Variants in HIVEP2 observed in about 807,000 individuals in gnomAD.
HIVEP2 encodes transcription factor HIVEP2.
HIVEP2 carries 14 observed loss-of-function variants against 180.7 expected under a neutral mutation model. The ratio of observed to expected loss-of-function variants is 0.08; its 90% confidence interval spans 0.05 to 0.12. HIVEP2 has a LOEUF of 0.12. Ranked by LOEUF, HIVEP2 falls within the 10% of genes least tolerant of loss-of-function variation. HIVEP2 has a pLI of 1.00. For missense variants in HIVEP2, 2,579 were observed against 3,008.5 expected (o/e 0.86, Z 3.34); for synonymous variants, 1,184 against 1,136.4 (o/e 1.04, Z -0.84).
At chr6:142,768,360 C>A in intron 6 of HIVEP2, 22 bp downstream of exon 6, 1 of 1,604,764 alleles carries the variant, frequency 6.2e-7, no homozygotes, top group Non-Finnish European at 8.5e-7. Context: ...GCACATTTTA[C>A]ATTTGCACTT....
chr6:142,881,309 TA>T (rs1776569644), intron 1 of HIVEP2, among the ~76,000 whole-genome samples: 1 of 152,194 alleles, frequency 6.6e-6, no homozygotes, highest in Non-Finnish European at 1.5e-5. Context: ...TAAATATCTA[TA>T]AATCATCATG....
chr6:142,897,930 T>A (rs1420691401), intron 1 of HIVEP2, among the ~76,000 whole-genome samples: 1 of 152,214 alleles, frequency 6.6e-6, no homozygotes, highest in Non-Finnish European at 1.5e-5. Flanking sequence ...TCCTTGTCTA[T>A]CTCGGCTTCC....
At chr6:142,802,210 A>T (rs562868231) in intron 2 of HIVEP2, among the ~76,000 whole-genome samples, 4 of 152,200 alleles carry the variant, frequency 2.6e-5, no homozygotes, top group Admixed American at 2.6e-4. Flanking sequence ...CAAGGATTCA[A>T]TCTTCTGCCA....
At chr6:142,870,830 CTT>C in intron 1 of HIVEP2, among the ~76,000 whole-genome samples, 1 of 152,330 alleles carries the variant, frequency 6.6e-6, no homozygotes, top group Middle Eastern at 3.4e-3. Context: ...AGCCCACACT[CTT>C]AACCCCTACC....
chr6:142,920,425 G>A (rs1256578062), intron 1 of HIVEP2, among the ~76,000 whole-genome samples: 1 of 152,094 alleles, frequency 6.6e-6, no homozygotes, highest in African/African-American at 2.4e-5. Context: ...CCAGATCACA[G>A]GTATGTATTA....
intron 2 of HIVEP2, among the ~76,000 whole-genome samples, chr6:142,807,581 A>G (rs998014187): frequency 6.6e-6 from 1 of 151,484 alleles, no homozygotes. Flanking sequence ...AAGCACCCCA[A>G]ACGCCTTAAA....
intron 1 of HIVEP2, among the ~76,000 whole-genome samples, chr6:142,866,358 AAAT>A (rs1291542196): frequency 6.6e-6 from 1 of 152,228 alleles, no homozygotes; most frequent in Non-Finnish European, 1.5e-5. Context: ...AGCTACTAAT[AAAT>A]CACTGAGCAT....
intron 1 of HIVEP2, among the ~76,000 whole-genome samples, chr6:142,866,169 G>GCT (rs1335778901): frequency 6.6e-6 from 1 of 152,094 alleles, no homozygotes; most frequent in Non-Finnish European, 1.5e-5. Flanking sequence ...TCTAATCCTG[G>GCT]CTCTGCCTCT....
chr6:142,818,530 G>A lies in HIVEP2; in HGVS notation c.-528+18405C>T, dbSNP rs537770462. Among the ~76,000 whole-genome samples the A allele has an allele frequency of 2.6e-4, 40 of 151,656 alleles. No individual in the cohort carries two copies. The South Asian group carries it at 3.5e-3, about 13-fold the overall frequency. On this transcript the variant is annotated intron_variant, in intron 2 of 9. Transcript: ENST00000367603. Reference sequence around the variant, plus strand: ...CGTCTCCACAAAAAATTAGCCAGGCGTGGTGGCATATGCCTGTAATCCCAG... The same window carrying A: ...CGTCTCCACAAAAAATTAGCCAGGCATGGTGGCATATGCCTGTAATCCCAG...
At position 142,773,691 on chromosome 6, in the gene HIVEP2, G is replaced by A. The variant is rs1465880908; in HGVS notation, c.1048C>T (p.Leu350=). The change falls in exon 5 of 10, where the codon CTA becomes TTA. Residue 350 remains leucine (L), a synonymous_variant. Transcript: ENST00000367603. ...ESSQYIGPDM[L]PNPSLNTKAD... Reference sequence around the variant, plus strand: ...TTAGTATTTAAAGATGGATTTGGTAGCATATCAGGGCCAATATACTGAGAG... The same window carrying A: ...TTAGTATTTAAAGATGGATTTGGTAACATATCAGGGCCAATATACTGAGAG... 1 of 1,613,988 alleles carries A rather than the reference G, an allele frequency of 6.2e-7. No individual in the cohort carries two copies. The highest frequency in any genetic ancestry group is 8.5e-7 in the Non-Finnish European group (1 of 1,180,022).
chr6:142,796,907 A>C (rs188133541), intron 2 of HIVEP2, among the ~76,000 whole-genome samples: 82 of 152,284 alleles, frequency 5.4e-4, no homozygotes, highest in Admixed American at 1.7e-3. Context: ...AACAGGAGGG[A>C]ACTACAGAAT....
intron 1 of HIVEP2, among the ~76,000 whole-genome samples, chr6:142,849,216 C>A (rs950997836): frequency 3.9e-5 from 6 of 152,144 alleles, no homozygotes; most frequent in Non-Finnish European, 7.3e-5. Flanking sequence ...CAAATTACCA[C>A]AGAGTCCATA....
intron 2 of HIVEP2, among the ~76,000 whole-genome samples, chr6:142,833,227 T>C (rs1775139943): frequency 6.6e-6 from 1 of 152,220 alleles, no homozygotes; most frequent in South Asian, 2.1e-4. Flanking sequence ...AAATAAAGTG[T>C]GAGTAATAAC....
intron 1 of HIVEP2, among the ~76,000 whole-genome samples, chr6:142,911,090 C>T (rs1220029138): frequency 1.3e-5 from 2 of 149,050 alleles, no homozygotes; most frequent in East Asian, 4.0e-4. Flanking sequence ...AAGGTCACCT[C>T]TACCCAGAGA....
intron 5 of HIVEP2, among the ~76,000 whole-genome samples, chr6:142,769,209 T>G (rs1291945862): frequency 6.6e-6 from 1 of 152,034 alleles, no homozygotes; most frequent in African/African-American, 2.4e-5. Flanking sequence ...ATTCCTCACA[T>G]CCAGAGAAAA....
intron 2 of HIVEP2, among the ~76,000 whole-genome samples, chr6:142,823,080 A>C (rs114162504): frequency 6.6e-6 from 1 of 152,160 alleles, no homozygotes; most frequent in African/African-American, 2.4e-5. Flanking sequence ...ACCATCTGCC[A>C]TGGCTTCTTT....
rs532959847 is a variant in HIVEP2 at position 142,864,132 on chromosome 6, C to T, written c.-640-27085G>A. Among the ~76,000 whole-genome samples, 11 of 152,268 alleles carry T rather than the reference C, an allele frequency of 7.2e-5. No individual in the cohort carries two copies. In the South Asian group the frequency reaches 2.1e-3, roughly 29 times the overall value. On this transcript the variant is annotated intron_variant, in intron 1 of 9. Coordinates refer to ENST00000367603, the MANE Select transcript of HIVEP2 (RefSeq NM_006734.4). The stretch of plus-strand genomic sequence containing the variant: ...TGTCCTTTCTTTCCTCTCTGCTACC[C>T]TTGTTGAGTATTTTACTCTTTTGTC...
intron 2 of HIVEP2, among the ~76,000 whole-genome samples, chr6:142,790,530 A>C (rs915697288): frequency 6.6e-6 from 1 of 152,172 alleles, no homozygotes; most frequent in Non-Finnish European, 1.5e-5. Context: ...ATGACACAAC[A>C]AAGTCATAAC....
chr6:142,903,081 A>T (rs1213831747), intron 1 of HIVEP2, among the ~76,000 whole-genome samples: 1 of 152,186 alleles, frequency 6.6e-6, no homozygotes, highest in Non-Finnish European at 1.5e-5. Flanking sequence ...ATTATAATTA[A>T]TTTCAGAATT....
Sources: allele counts gnomAD v4.1 joint callset (sites outside exome capture counted in the v4.1 genomes callset), GRCh38; gene constraint gnomAD v4.1.1; transcripts MANE v1.5; gene names NCBI Gene and HGNC (gene_info 2026-07-23, HGNC 2026-07-21).